The following CDC42BPG variants were observed in gnomAD, a reference collection of about 807,000 sequenced individuals.
The protein encoded by CDC42BPG is CDC42 binding protein kinase gamma.
CDC42BPG carries 157 observed loss-of-function variants against 192.2 expected under a neutral mutation model. That is an observed-to-expected ratio of 0.82 (90% CI 0.72 to 0.93). CDC42BPG has a LOEUF of 0.93. Ranked by LOEUF, CDC42BPG falls within the 40% of genes least tolerant of loss-of-function variation. CDC42BPG has a pLI of 0.00. For missense variants in CDC42BPG, 1,992 were observed against 2,122.1 expected, an observed-to-expected ratio of 0.94 and a Z score of 1.20; for synonymous variants, 981 against 918.5, an observed-to-expected ratio of 1.07 and a Z score of -1.23.
chr11:64,829,600 G>A lies in CDC42BPG; in HGVS notation c.3838C>T (p.Leu1280=). 1 of 1,612,252 alleles carries A rather than the reference G, an allele frequency of 6.2e-7. No individual in the cohort carries two copies. Among genetic ancestry groups the A allele is most frequent in the South Asian group, 1.1e-5 (1 of 90,928 alleles). ...PPSRGGLGEA[L]GAVELSLSEF... ...CTGAGGCTAAGCTCCACGGCACCCA[G>A]TGCCTCACCCAGGCCCCCGCGGGAT... is the stretch of plus-strand genomic sequence containing the variant. Residue 1280 remains leucine, a synonymous_variant, in exon 30 of 37, where the codon CTG becomes TTG. Coordinates refer to ENST00000342711, the MANE Select transcript of CDC42BPG (RefSeq NM_017525.3).
At position 64,835,494 on chromosome 11, in the gene CDC42BPG, G is replaced by A; in HGVS notation, c.1880+6C>T. 6.2e-7 allele frequency: 1 copy of A among 1,604,334 alleles called. No homozygotes were observed. Reference sequence around the variant, plus strand: ...GCCCCTCCCTGCCACCAGCTGCCTGGCTCACCTGTGGCTGTGGGCCTGCTC... The same window carrying A: ...GCCCCTCCCTGCCACCAGCTGCCTGACTCACCTGTGGCTGTGGGCCTGCTC... On this transcript the variant is annotated splice_donor_region_variant and intron_variant, in intron 15 of 36. Coordinates refer to ENST00000342711, the MANE Select transcript of CDC42BPG (RefSeq NM_017525.3).
rs149531322 is a variant in CDC42BPG, at chr11:64,839,204, C to T, written c.705G>A (p.Pro235=). The change falls in exon 7 of 37, where the codon CCG becomes CCA. Residue 235 remains proline (P), a synonymous_variant. Transcript: ENST00000342711. ...GCAGGATCTCAGGGGAGATATAGTC[C>T]GGCGTCCCTACTGCCACTGATGAAT... ...MVDSSVAVGT[P]DYISPEILQA... 8.5e-5 allele frequency: 137 copies of T among 1,613,146 alleles called. No individual in the cohort carries two copies. The highest frequency in any genetic ancestry group is 1.5e-4 in the South Asian group (14 of 91,090).
intron 32 of CDC42BPG, 61 bp downstream of exon 32, chr11:64,827,466 G>C: frequency 6.2e-7 from 1 of 1,604,074 alleles, no homozygotes; most frequent in Non-Finnish European, 8.5e-7. Flanking sequence ...GGCATTCAGG[G>C]CCACACAGCC....
chr11:64,832,980 G>T, intron 24 of CDC42BPG, 21 bp from the exon 25 acceptor site: 1 of 1,512,142 alleles, frequency 6.6e-7, no homozygotes, highest in South Asian at 1.3e-5. Flanking sequence ...AGTGGAGAAG[G>T]TGGATGAGGT....
chr11:64,826,886 C>G lies in CDC42BPG; in HGVS notation c.4390-92G>C. ...AACAGACCAGGACAAATGAACGCCA[C>G]TGGGCCCCCAGCCTGGTTTTACTTA... On this transcript the variant is annotated intron_variant, in intron 34 of 36. Transcript: ENST00000342711. 4.4e-6 allele frequency: 6 copies of G among 1,363,524 alleles called. No individual in the cohort carries two copies. In the South Asian group the frequency reaches 7.3e-5, roughly 16 times the overall value. 84.5% of individuals were successfully genotyped at this position (1,363,524 alleles called of 1,614,324 possible). A position where few individuals can be genotyped will look rare whatever the true frequency, so the allele number is the denominator to read the frequency against.
At chr11:64,835,017 T>TGCCCCCCCCCCCCCCCCCCCC in intron 17 of CDC42BPG, 30 bp downstream of exon 17, 2 of 1,571,958 alleles carry the variant, frequency 1.3e-6, no homozygotes, top group Non-Finnish European at 1.7e-6. Context: ...TCGCCTGCGT[T>TGCCCCCCCCCCCCCCCCCCCC]CCCCACCCCG....
chr11:64,841,725 C>T lies in CDC42BPG; in HGVS notation c.261G>A (p.Val87=). 1 of 1,613,996 alleles carries T rather than the reference C, an allele frequency of 6.2e-7. No homozygotes were observed. Among genetic ancestry groups the T allele is most frequent in the African/African-American group, 1.3e-5 (1 of 75,060 alleles). Residue 87 remains valine, a synonymous_variant, in exon 3 of 37, where the codon GTG becomes GTA. Transcript: ENST00000342711. ...IGRGAFGEVT[V]VRQRDTGQIF... is the part of the protein sequence containing the mutation. Reference sequence around the variant, plus strand: ...TCTGCCCAGTGTCCCTCTGCCTCACCACGGTGACCTAAGGCCACAGGGAGG... The same window carrying T: ...TCTGCCCAGTGTCCCTCTGCCTCACTACGGTGACCTAAGGCCACAGGGAGG...
intron 9 of CDC42BPG, 139 bp downstream of exon 9, chr11:64,837,944 G>A: frequency 1.3e-6 from 1 of 742,416 alleles, no homozygotes; most frequent in Non-Finnish European, 2.3e-6. Context: ...CCGAGGATGA[G>A]GGCTAGAGCA....
intron 6 of CDC42BPG, 102 bp downstream of exon 6, chr11:64,839,376 C>G: frequency 1.3e-6 from 2 of 1,494,412 alleles, no homozygotes; most frequent in Non-Finnish European, 9.2e-7. Flanking sequence ...CCACCTTCCC[C>G]GGGGGGCCTG....
rs61736738 is a variant in CDC42BPG, at chr11:64,827,352, G to C, written c.4197C>G (p.Arg1399=). 6.8e-4 allele frequency: 1,093 copies of C among 1,614,120 alleles called. 10 individuals carry two copies. The African/African-American group carries it at 0.014, about 20-fold the overall frequency. ...GCTTGCTCTTGGTGCGGAACAGCTG[G>C]CGCCGGCTGTTGTCGGTGAGGTCCG... ...DIPDLTDNSR[R]QLFRTKSKRR... The change falls in exon 33 of 37, where the codon CGC becomes CGG. Residue 1399 remains arginine (R), a synonymous_variant. Coordinates refer to ENST00000342711, the MANE Select transcript of CDC42BPG (RefSeq NM_017525.3).
intron 3 of CDC42BPG, among the ~76,000 whole-genome samples, chr11:64,841,072 AC>A (rs1427057623): frequency 6.6e-6 from 1 of 151,520 alleles, no homozygotes; most frequent in Non-Finnish European, 1.5e-5. Context: ...AATCCCTTGC[AC>A]CCAGGAGGTG....
rs1231674228 is a variant in CDC42BPG at position 64,832,820 on chromosome 11, A to G, written c.2865+6T>C. On this transcript the variant is annotated splice_donor_region_variant and intron_variant, in intron 25 of 36. Transcript: ENST00000342711. ...CCCATCTTCCCCTCCCTCGGCCCCC[A>G]CTCACCGACAGAAAGCCCTCATAGG... is the stretch of plus-strand genomic sequence containing the variant. The G allele has an allele frequency of 1.3e-6, 2 of 1,586,578 alleles. No individual in the cohort carries two copies. The highest frequency in any genetic ancestry group is 1.4e-5 in the African/African-American group (1 of 73,878).
rs776875707 is a variant in CDC42BPG, at chr11:64,827,266, G to C, written c.4271+12C>G. 2 of 1,613,388 alleles carry C rather than the reference G, an allele frequency of 1.2e-6. No homozygotes were observed. The highest frequency in any genetic ancestry group is 1.7e-6 in the Non-Finnish European group (2 of 1,179,714). On this transcript the variant is annotated intron_variant, in intron 33 of 36. Transcript: ENST00000342711. Reference sequence around the variant, plus strand: ...CCCACCCAGCCTCAGCCCCCGCGTCGTGCACGCGCACCTGCGCTGCTGCTT... The same window carrying C: ...CCCACCCAGCCTCAGCCCCCGCGTCCTGCACGCGCACCTGCGCTGCTGCTT...
chr11:64,827,294 G>GCTGCTCCTC lies in CDC42BPG; in HGVS notation c.4246_4254dup (p.Glu1416_Gln1418dup). 4 of 1,613,906 alleles carry GCTGCTCCTC rather than the reference G, an allele frequency of 2.5e-6. No homozygotes were observed. The highest frequency in any genetic ancestry group is 3.4e-6 in the Non-Finnish European group (4 of 1,179,916). On this transcript the variant is annotated inframe_insertion, in exon 33 of 37. Transcript: ENST00000342711. ...CACGCGCACCTGCGCTGCTGCTTCTGCTGCTCCTCCGACACGCGGAAAAAG... is the reference window on the plus strand; with the variant it reads ...CACGCGCACCTGCGCTGCTGCTTCTGCTGCTCCTCCTGCTCCTCCGACACGCGGAAAAAG...
chr11:64,823,608 C>T lies in CDC42BPG; in HGVS notation c.*865G>A, dbSNP rs1397491276. 6.6e-6 allele frequency: 1 copy of T among 152,130 alleles called. No individual in the cohort carries two copies. The highest frequency in any genetic ancestry group is 1.5e-5 in the Non-Finnish European group (1 of 68,006). The allele number at this position is 152,130 out of a possible 1,614,324, so 9.4% of individuals were successfully genotyped here. A position where few individuals can be genotyped will look rare whatever the true frequency, so the allele number is the denominator to read the frequency against. ...AGATTCGAGAAAAACGACCCCCTTT[C>T]TGGGAAGGGCCAGAGTGTGCCCGGA... is the stretch of plus-strand genomic sequence containing the variant. On this transcript the variant is annotated 3_prime_UTR_variant, in exon 37 of 37. Transcript: ENST00000342711.
intron 20 of CDC42BPG, 67 bp from the exon 21 acceptor site, chr11:64,834,044 C>T (rs1942848389): frequency 1.2e-6 from 2 of 1,601,044 alleles, no homozygotes; most frequent in South Asian, 1.1e-5. Context: ...CAGGAGGGGC[C>T]TCAGTTCCCA....
chr11:64,841,687 T>C lies in CDC42BPG; in HGVS notation c.299A>G (p.Lys100Arg). ...CAGCATCTCCCACTTGTGCAGCATT[T>C]TCATGGCAAAAATCTGCCCAGTGTC... ...QRDTGQIFAM[K>R]MLHKWEMLKR... The change falls in exon 3 of 37, where the codon AAA (lysine) becomes AGA (arginine). Residue 100 changes from lysine (K) to arginine (R), a missense_variant. By Grantham distance (26) the Lys-to-Arg change is conservative. Transcript: ENST00000342711. The C allele has an allele frequency of 6.2e-7, 1 of 1,613,724 alleles. No homozygotes were observed. The highest frequency in any genetic ancestry group is 2.2e-5 in the East Asian group (1 of 44,838).
At chr11:64,825,457 C>G (rs1452408226) in intron 36 of CDC42BPG, among the ~76,000 whole-genome samples, 2 of 152,114 alleles carry the variant, frequency 1.3e-5, no homozygotes, top group East Asian at 3.9e-4. Flanking sequence ...GCCAGGAAGG[C>G]TCCTTTGAAG....
chr11:64,834,739 G>T, intron 18 of CDC42BPG, 110 bp downstream of exon 18: 1 of 1,340,166 alleles, frequency 7.5e-7, no homozygotes, highest in Non-Finnish European at 1.0e-6. Context: ...TATCTCTCAT[G>T]AGCTTGGTGT....
Sources: allele counts gnomAD v4.1 joint callset (sites outside exome capture counted in the v4.1 genomes callset), GRCh38; gene constraint gnomAD v4.1.1; transcripts MANE v1.5; gene names NCBI Gene and HGNC (gene_info 2026-07-23, HGNC 2026-07-21).